Variants in NOCT observed in about 807,000 individuals in gnomAD.
NOCT encodes the protein CCR4 carbon catabolite repression 4-like.
A neutral mutation model predicts 35.0 loss-of-function variants in NOCT; 18 were observed. The observed-to-expected ratio is 0.51, with a 90% CI of 0.36 to 0.76. The LOEUF (loss-of-function observed/expected upper bound fraction) is 0.76. NOCT is among the 30% of genes least tolerant of loss of function. The probability of loss-of-function intolerance (pLI) is 0.01; values close to 1 mark genes in which losing one functional copy is unlikely to be tolerated. For missense variants in NOCT, 479 were observed against 541.0 expected (o/e 0.89, Z 1.14); for synonymous variants, 235 against 226.3 (o/e 1.04, Z -0.34).
At chr4:139,027,749 C>T (rs1486945275) in intron 1 of NOCT, among the ~76,000 whole-genome samples, 3 of 152,290 alleles carry the variant, frequency 2.0e-5, no homozygotes, top group Admixed American at 6.5e-5. Context: ...CCGCCCGCCT[C>T]GGCCTCCCAA....
chr4:139,044,916 G>A lies in NOCT; in HGVS notation c.738G>A (p.Lys246=). 1.2e-6 allele frequency: 2 copies of A among 1,614,174 alleles called. No individual in the cohort carries two copies. Among genetic ancestry groups the A allele is most frequent in the South Asian group, 2.2e-5 (2 of 91,088 alleles). ...CALFFLQNRF[K]LVNSANIRLT... ...TATTTTTTCTTCAAAACCGATTCAA[G>A]CTAGTCAACAGTGCCAATATTAGGC... Residue 246 remains lysine, a synonymous_variant, in exon 3 of 3, where the codon AAG becomes AAA. Coordinates refer to ENST00000280614, the MANE Select transcript of NOCT (RefSeq NM_012118.4).
intron 1 of NOCT, among the ~76,000 whole-genome samples, chr4:139,031,473 A>G (rs1230265222): frequency 1.3e-5 from 2 of 151,552 alleles, no homozygotes; most frequent in South Asian, 2.1e-4. Context: ...CCTTAGTGCT[A>G]TTAGGAGTGC....
In NOCT at chr4:139,044,908, C is replaced by T. The variant is rs1470215672; in HGVS notation, c.730C>T (p.Arg244Ter). ...TTGTGCCTTATTTTTTCTTCAAAAC[C>T]GATTCAAGCTAGTCAACAGTGCCAA... ...DGCALFFLQN[R>*]FKLVNSANIR... is the part of the protein sequence containing the mutation. Residue 244 changes from arginine (R) to a stop codon, truncating the protein, a stop_gained, in exon 3 of 3, where the codon CGA (arginine) becomes TGA (stop). Coordinates refer to ENST00000280614, the MANE Select transcript of NOCT (RefSeq NM_012118.4). LOFTEE classifies it high-confidence loss of function. 4.3e-6 allele frequency: 7 copies of T among 1,613,998 alleles called. No individual in the cohort carries two copies. The highest frequency in any genetic ancestry group is 1.7e-5 in the Admixed American group (1 of 59,992).
intron 1 of NOCT, among the ~76,000 whole-genome samples, chr4:139,028,855 G>A (rs1726573478): frequency 6.6e-6 from 1 of 151,936 alleles, no homozygotes; most frequent in Admixed American, 6.6e-5. Context: ...GTTTTGTTTT[G>A]TTTTGAGACT....
chr4:139,015,866 A>G lies in NOCT; in HGVS notation c.-116A>G. The G allele has an allele frequency of 3.7e-6, 3 of 805,376 alleles. No individual in the cohort carries two copies. Among genetic ancestry groups the G allele is most frequent in the Non-Finnish European group, 5.0e-6 (3 of 603,828 alleles). The allele number at this position is 805,376 out of a possible 1,614,324, so 49.9% of individuals were successfully genotyped here. ...CCAGAACCTGCGCCGCGCGAGAAGG[A>G]GCCTGGGAGCATCCGCCCACACTGC... is the stretch of plus-strand genomic sequence containing the variant. On this transcript the variant is annotated 5_prime_UTR_variant, in exon 1 of 3. Transcript: ENST00000280614.
At chr4:139,044,605 A>G (rs1002898060) in intron 2 of NOCT, 34 bp from the exon 3 acceptor site, 2 of 1,424,044 alleles carry the variant, frequency 1.4e-6, no homozygotes, top group African/African-American at 2.8e-5. Flanking sequence ...ACGGTTTTGT[A>G]AGAGCTGACA....
Position 139,043,073 on chromosome 4 carries a change from G to A in NOCT, c.191-1G>A. On this transcript the variant is annotated splice_acceptor_variant, in intron 1 of 2. Coordinates refer to ENST00000280614, the MANE Select transcript of NOCT (RefSeq NM_012118.4). LOFTEE classifies it high-confidence loss of function. ...TGTAACTGTGATTTCCTTTTCCGTA[G>A]TGTGTTCCATGGGAACCGGTACAAG... 6.3e-7 allele frequency: 1 copy of A among 1,590,500 alleles called. No homozygotes were observed. The highest frequency in any genetic ancestry group is 8.6e-7 in the Non-Finnish European group (1 of 1,161,370).
At chr4:139,039,732 G>GTTTTGT (rs1026153393) in intron 1 of NOCT, among the ~76,000 whole-genome samples, 2 of 151,620 alleles carry the variant, frequency 1.3e-5, no homozygotes, top group Admixed American at 1.3e-4. Flanking sequence ...GTATCTTTTT[G>GTTTTGT]TTTTGTTTTG....
chr4:139,043,227 G>T lies in NOCT; in HGVS notation c.344G>T (p.Arg115Met), dbSNP rs768860931. Residue 115 changes from arginine to methionine, a missense_variant, in exon 2 of 3, where the codon AGG (arginine) becomes ATG (methionine). Coordinates refer to ENST00000280614, the MANE Select transcript of NOCT (RefSeq NM_012118.4). Reference sequence around the variant, plus strand: ...CCTAAAGAGCTTCTTGAGGAATGCAGGGCCGTCCTGCACACCCGACCTCCC... The same window carrying T: ...CCTAAAGAGCTTCTTGAGGAATGCATGGCCGTCCTGCACACCCGACCTCCC... ...IDPKELLEEC[R>M]AVLHTRPPRF... 1 of 1,614,176 alleles carries T rather than the reference G, an allele frequency of 6.2e-7. No individual in the cohort carries two copies. The highest frequency in any genetic ancestry group is 1.1e-5 in the South Asian group (1 of 91,082).
intron 2 of NOCT, 46 bp from the exon 3 acceptor site, chr4:139,044,593 T>TC: frequency 7.8e-7 from 1 of 1,284,876 alleles, no homozygotes; most frequent in Non-Finnish European, 1.1e-6. Flanking sequence ...TACTTTGAAG[T>TC]CACGGTTTTG....
rs1726602827 is a variant in NOCT, at chr4:139,030,460, C to T, written c.191-12614C>T. Among the ~76,000 whole-genome samples the T allele has an allele frequency of 2.6e-5, 4 of 152,114 alleles. No homozygotes were observed. The South Asian group carries it at 8.3e-4, about 31-fold the overall frequency. On this transcript the variant is annotated intron_variant, in intron 1 of 2. Transcript: ENST00000280614. ...TGGGGGAAATGGTAAATAAGGGAAA[C>T]AGTCCCTGCCCTTGGGAGGCTTAAA...
intron 2 of NOCT, chr4:139,044,024 G>C (rs976865912): frequency 6.9e-6 from 1 of 144,952 alleles, no homozygotes; most frequent in African/African-American, 2.7e-5. Context: ...ACAGTAGTAA[G>C]GACTTCTTTC....
rs1177011348 is a variant in NOCT, at chr4:139,045,436, G to A, written c.1258G>A (p.Asp420Asn). Residue 420 changes from aspartate to asparagine, a missense_variant, in exon 3 of 3, where the codon GAC becomes AAC. Asp to Asn is a conservative substitution (Grantham distance 23, BLOSUM62 1). This residue lies in a region of NOCT where 214 missense variants were observed against 284.0 expected (regional missense o/e 0.75). Coordinates refer to ENST00000280614, the MANE Select transcript of NOCT (RefSeq NM_012118.4). ...TTCAGACCACCTGTCTCTAGTGTGT[G>A]ACTTCAGCTTTACTGAGGAATCTGA... ...YPSDHLSLVC[D>N]FSFTEESDGL... 1.2e-6 allele frequency: 2 copies of A among 1,606,668 alleles called. No homozygotes were observed. Among genetic ancestry groups the A allele is most frequent in the Non-Finnish European group, 1.7e-6 (2 of 1,175,420 alleles).
Position 139,042,681 on chromosome 4 carries a change from C to T in NOCT, c.191-393C>T, listed in dbSNP as rs555192807. On this transcript the variant is annotated intron_variant, in intron 1 of 2. Coordinates refer to ENST00000280614, the MANE Select transcript of NOCT (RefSeq NM_012118.4). Reference sequence around the variant, plus strand: ...TTGTAATCCCAGCACTTTGGGAGGCCGAGGCGGGCAGATCACCTGAGGTCG... The same window carrying T: ...TTGTAATCCCAGCACTTTGGGAGGCTGAGGCGGGCAGATCACCTGAGGTCG... Among the ~76,000 whole-genome samples the T allele has an allele frequency of 1.8e-4, 28 of 152,132 alleles. No individual in the cohort carries two copies. In the South Asian group the frequency reaches 5.6e-3, roughly 31 times the overall value.
chr4:139,034,514 G>T (rs1726693469), intron 1 of NOCT, among the ~76,000 whole-genome samples: 1 of 152,066 alleles, frequency 6.6e-6, no homozygotes, highest in South Asian at 2.1e-4. Context: ...AATACGTAAA[G>T]TCTATCTAGT....
At chr4:139,027,469 A>G (rs962799299) in intron 1 of NOCT, among the ~76,000 whole-genome samples, 1 of 151,948 alleles carries the variant, frequency 6.6e-6, no homozygotes, top group Non-Finnish European at 1.5e-5. Flanking sequence ...TTGTAGTGTG[A>G]AAGCAGCTAT....
chr4:139,030,001 C>T (rs1726597150), intron 1 of NOCT, among the ~76,000 whole-genome samples: 1 of 152,180 alleles, frequency 6.6e-6, no homozygotes, highest in Non-Finnish European at 1.5e-5. Flanking sequence ...AAGCGATTCT[C>T]ATGCCTCAGC....
intron 1 of NOCT, among the ~76,000 whole-genome samples, chr4:139,025,537 G>A (rs959837085): frequency 1.3e-5 from 2 of 152,138 alleles, no homozygotes; most frequent in Non-Finnish European, 1.5e-5. Flanking sequence ...GAGGCCAGGC[G>A]CGGTGGCTCA....
Position 139,042,953 on chromosome 4 carries a change from C to G in NOCT, c.191-121C>G, listed in dbSNP as rs1726862770. Reference sequence around the variant, plus strand: ...AAGAAAAAAGAAATGGCTTTATACACTATTATGGCAACAATTGAGCTCCTG... The same window carrying G: ...AAGAAAAAAGAAATGGCTTTATACAGTATTATGGCAACAATTGAGCTCCTG... On this transcript the variant is annotated intron_variant, in intron 1 of 2. Transcript: ENST00000280614. 2.3e-5 allele frequency: 19 copies of G among 818,598 alleles called. No homozygotes were observed. The Admixed American group carries it at 2.9e-4, about 13-fold the overall frequency. 50.7% of individuals were successfully genotyped at this position (818,598 alleles called of 1,614,324 possible). A position where few individuals can be genotyped will look rare whatever the true frequency, so the allele number is the denominator to read the frequency against.
Sources: allele counts gnomAD v4.1 joint callset (sites outside exome capture counted in the v4.1 genomes callset), GRCh38; gene constraint gnomAD v4.1.1; regional missense constraint gnomAD v4.1.1; transcripts MANE v1.5; gene names NCBI Gene and HGNC (gene_info 2026-07-23, HGNC 2026-07-21).